GTF2E2: variants seen among roughly 807,000 people sequenced by gnomAD.
GTF2E2 encodes general transcription factor IIE subunit 2.
GTF2E2 carries 21 observed loss-of-function variants against 40.5 expected under a neutral mutation model. The ratio of observed to expected loss-of-function variants is 0.52; its 90% CI spans 0.37 to 0.75. GTF2E2 has a LOEUF of 0.75. Ranked by LOEUF, GTF2E2 falls within the 30% of genes least tolerant of loss-of-function variation. The probability of loss-of-function intolerance (pLI) is 0.00; values close to 1 mark genes in which losing one functional copy is unlikely to be tolerated. For synonymous variants in GTF2E2, 117 were observed against 121.6 expected (o/e 0.96, Z 0.25); for missense variants, 298 against 338.4 (o/e 0.88, Z 0.94).
rs188048104 is a variant in GTF2E2 at position 30,613,003 on chromosome 8, T to A, written c.367-522A>T. Among the ~76,000 whole-genome samples the A allele has an allele frequency of 5.3e-5, 8 of 152,344 alleles. No individual in the cohort carries two copies. In the East Asian group the frequency reaches 1.5e-3, roughly 29 times the overall value. Reference sequence around the variant, plus strand: ...AGATCAGCACGGTGCTCACTTTTTATAAAAGAAACTGTGTTTTATTTACAT... The same window carrying A: ...AGATCAGCACGGTGCTCACTTTTTAAAAAAGAAACTGTGTTTTATTTACAT... On this transcript the variant is annotated intron_variant, in intron 4 of 7. Coordinates refer to ENST00000355904, the MANE Select transcript of GTF2E2 (RefSeq NM_002095.6).
chr8:30,590,661 AATAAAG>A (rs1389960135), intron 6 of GTF2E2, among the ~76,000 whole-genome samples: 1 of 152,130 alleles, frequency 6.6e-6, no homozygotes, highest in Admixed American at 6.6e-5. Context: ...CAGCAAAAGA[AATAAAG>A]ATAAAGGACT....
intron 6 of GTF2E2, among the ~76,000 whole-genome samples, chr8:30,596,342 A>T (rs893876336): frequency 1.4e-4 from 22 of 152,178 alleles, no homozygotes; most frequent in African/African-American, 5.3e-4. Flanking sequence ...CTTCAGCTGT[A>T]TTCAAGTTCA....
intron 6 of GTF2E2, among the ~76,000 whole-genome samples, chr8:30,602,677 C>A (rs1337003430): frequency 5.4e-5 from 8 of 149,414 alleles, no homozygotes; most frequent in Non-Finnish European, 8.9e-5. Context: ...TTGCTTGAAC[C>A]CGGGAGGCAG....
Position 30,622,701 on chromosome 8 carries a change from C to T in GTF2E2, c.259-7986G>A, listed in dbSNP as rs1801148976. On this transcript the variant is annotated intron_variant, in intron 3 of 7. Coordinates refer to ENST00000355904, the MANE Select transcript of GTF2E2 (RefSeq NM_002095.6). ...AGAAGATGGCCACAGCCAGGGGGGC[C>T]GTCTACAGACCTACCCCCAGGCACG... 1.3e-5 allele frequency among the ~76,000 whole-genome samples: 2 copies of T among 152,010 alleles called. 1 individual carries two copies. Among genetic ancestry groups the T allele is most frequent in the African/African-American group, 4.8e-5 (2 of 41,306 alleles).
intron 1 of GTF2E2, among the ~76,000 whole-genome samples, chr8:30,653,925 CA>C (rs1194091282): frequency 6.6e-6 from 1 of 151,722 alleles, no homozygotes; most frequent in African/African-American, 2.4e-5. Flanking sequence ...CTCCTGTCTA[CA>C]AAAATACAAA....
At chr8:30,656,540 G>T (rs1326204138) in intron 1 of GTF2E2, among the ~76,000 whole-genome samples, 1 of 152,144 alleles carries the variant, frequency 6.6e-6, no homozygotes, top group African/African-American at 2.4e-5. Flanking sequence ...CGGGCGCAGC[G>T]GCTCACGCCT....
intron 6 of GTF2E2, among the ~76,000 whole-genome samples, chr8:30,598,661 T>C (rs1829083569): frequency 6.6e-6 from 1 of 152,232 alleles, no homozygotes; most frequent in Non-Finnish European, 1.5e-5. Flanking sequence ...CATTTAAATA[T>C]GACATCTACG....
At chr8:30,653,208 T>C (rs1414015018) in intron 2 of GTF2E2, among the ~76,000 whole-genome samples, 2 of 152,186 alleles carry the variant, frequency 1.3e-5, no homozygotes, top group African/African-American at 4.8e-5. Context: ...GGTATGTAAA[T>C]TAAACCTAAA....
intron 3 of GTF2E2, among the ~76,000 whole-genome samples, chr8:30,627,139 G>T (rs1563496629): frequency 6.6e-6 from 1 of 152,168 alleles, no homozygotes; most frequent in African/African-American, 2.4e-5. Flanking sequence ...CTCAAACAGT[G>T]TAAGTTGACA....
At chr8:30,594,755 G>A (rs1416340743) in intron 6 of GTF2E2, among the ~76,000 whole-genome samples, 2 of 151,844 alleles carry the variant, frequency 1.3e-5, no homozygotes, top group Non-Finnish European at 2.9e-5. Flanking sequence ...CTACTGGGGA[G>A]GTGAGGCAGG....
intron 2 of GTF2E2, among the ~76,000 whole-genome samples, chr8:30,641,526 C>G (rs1251284885): frequency 6.6e-6 from 1 of 152,114 alleles, no homozygotes; most frequent in South Asian, 2.1e-4. Context: ...TCATGCCCAG[C>G]TAATTTTTAT....
intron 1 of GTF2E2, among the ~76,000 whole-genome samples, chr8:30,655,003 G>A (rs552981432): frequency 6.8e-4 from 103 of 152,284 alleles, no homozygotes; most frequent in Non-Finnish European, 1.2e-3. Flanking sequence ...CACTTTGGGA[G>A]GCTGAGAGAC....
intron 6 of GTF2E2, among the ~76,000 whole-genome samples, chr8:30,590,922 C>T (rs1828829719): frequency 6.6e-6 from 1 of 152,106 alleles, no homozygotes. Context: ...AACTCCTAAC[C>T]TCGGATGATC....
At chr8:30,583,907 G>A (rs1214647108) in intron 6 of GTF2E2, among the ~76,000 whole-genome samples, 2 of 151,880 alleles carry the variant, frequency 1.3e-5, no homozygotes, top group Non-Finnish European at 2.9e-5. Flanking sequence ...CCGGGTTCAC[G>A]CCATTCTCCT....
intron 2 of GTF2E2, among the ~76,000 whole-genome samples, chr8:30,648,231 AAGG>A (rs1802161930): frequency 6.6e-6 from 1 of 152,248 alleles, no homozygotes; most frequent in Admixed American, 6.5e-5. Context: ...GACAGAGTAC[AAGG>A]AGAACAGTAT....
chr8:30,580,746 T>C (rs1450000133), intron 6 of GTF2E2, among the ~76,000 whole-genome samples: 1 of 152,232 alleles, frequency 6.6e-6, no homozygotes, highest in Non-Finnish European at 1.5e-5. Context: ...AAGCATGATA[T>C]ACTCATTCCT....
chr8:30,616,329 G>A (rs975378569), intron 3 of GTF2E2, among the ~76,000 whole-genome samples: 6 of 152,046 alleles, frequency 3.9e-5, no homozygotes, highest in African/African-American at 9.7e-5. Flanking sequence ...TCAGCTACTC[G>A]GGAGGCTGAG....
intron 3 of GTF2E2, among the ~76,000 whole-genome samples, chr8:30,630,381 T>C (rs1324287023): frequency 6.6e-6 from 1 of 152,198 alleles, no homozygotes; most frequent in Non-Finnish European, 1.5e-5. Flanking sequence ...ACTGTACCTA[T>C]CTAATGCCTC....
chr8:30,596,740 G>A (rs1306473935), intron 6 of GTF2E2, among the ~76,000 whole-genome samples: 2 of 152,192 alleles, frequency 1.3e-5, no homozygotes, highest in East Asian at 1.9e-4. Context: ...AGCTAAGACT[G>A]AGGTAAATAG....
Sources: gnomAD v4.1 joint callset for allele counts (sites outside exome capture counted in the v4.1 genomes callset) on GRCh38, gnomAD v4.1.1 for gene constraint, MANE v1.5 for transcripts, NCBI Gene and HGNC (gene_info 2026-07-23, HGNC 2026-07-21) for gene names.